The following LTN1 variants were observed in gnomAD, a reference collection of about 807,000 sequenced individuals.
The protein encoded by LTN1 is E3 ubiquitin-protein ligase listerin.
In LTN1, 88 loss-of-function variants were observed where a neutral mutation model predicts 201.2. The observed-to-expected ratio is 0.44, with a 90% CI of 0.37 to 0.52. The LOEUF is 0.52. Among genes scored for constraint, LTN1 ranks in the 20% least tolerant of loss-of-function variants. The pLI is 0.00. For missense variants in LTN1, 1,752 were observed against 2,038.7 expected, an observed-to-expected ratio of 0.86 and a Z score of 2.71; for synonymous variants, 645 against 713.5, an observed-to-expected ratio of 0.90 and a Z score of 1.53.
chr21:28,982,404 A>C lies in LTN1; in HGVS notation c.577-36T>G, dbSNP rs565821158. ...GGGAAATACCAAAGCCTTTGGTTTT[A>C]CTGAACTGTCAATGGTGAACAGACA... On this transcript the variant is annotated intron_variant, in intron 4 of 29. Transcript: ENST00000361371. 3.3e-6 allele frequency: 5 copies of C among 1,526,910 alleles called. No individual in the cohort carries two copies. In the South Asian group the frequency reaches 5.6e-5, roughly 17 times the overall value. 94.6% of individuals were successfully genotyped at this position (1,526,910 alleles called of 1,614,324 possible). A position where few individuals can be genotyped will look rare whatever the true frequency, so the allele number is the denominator to read the frequency against.
chr21:28,991,478 TAA>T (rs1257002715), intron 1 of LTN1, among the ~76,000 whole-genome samples: 1 of 152,150 alleles, frequency 6.6e-6, no homozygotes, highest in Non-Finnish European at 1.5e-5. Context: ...ATTTAGGAGT[TAA>T]GAGTCCCGAC....
Position 28,936,635 on chromosome 21 carries a change from G to A in LTN1, c.4545C>T (p.His1515=). The A allele has an allele frequency of 6.2e-7, 1 of 1,613,816 alleles. No homozygotes were observed. Among genetic ancestry groups the A allele is most frequent in the Non-Finnish European group, 8.5e-7 (1 of 1,179,798 alleles). The change falls in exon 26 of 30, where the codon CAC becomes CAT. Residue 1515 remains histidine (H), a synonymous_variant. Transcript: ENST00000361371. ...GATTTTCTGGCATAAGCCTGAACAG[G>A]TGATAGAGCAATTTATTCAAACTCT... ...KTKSLNKLLY[H]LFRLMPENPT...
chr21:28,960,946 C>A (rs912030081), intron 11 of LTN1: 50 of 334,778 alleles, frequency 1.5e-4, no homozygotes, highest in African/African-American at 8.8e-4. Context: ...CCCACCCCCC[C>A]CTTTTTTTTT....
chr21:28,987,085 C>T, intron 1 of LTN1, 151 bp from the exon 2 acceptor site: 1 of 599,538 alleles, frequency 1.7e-6, no homozygotes, highest in South Asian at 2.2e-5. Context: ...CAAAGTTCCC[C>T]AAAGATTAAT....
At chr21:28,981,764 T>C (rs1201218553) in intron 5 of LTN1, among the ~76,000 whole-genome samples, 1 of 152,208 alleles carries the variant, frequency 6.6e-6, no homozygotes, top group Non-Finnish European at 1.5e-5. Context: ...GAAGGAAACA[T>C]ATAAAAACAT....
At chr21:28,971,733 C>T (rs192315033) in intron 6 of LTN1, among the ~76,000 whole-genome samples, 1 of 151,998 alleles carries the variant, frequency 6.6e-6, no homozygotes, top group East Asian at 1.9e-4. Context: ...TCCATTATAG[C>T]CAAACAAACA....
At chr21:28,974,163 A>G (rs2705654) in intron 6 of LTN1, among the ~76,000 whole-genome samples, 22,430 of 152,160 alleles carry the variant, frequency 0.15, 1,975 homozygotes, top group African/African-American at 0.25. Context: ...GCACAACCAT[A>G]AAAGAAAAAT....
At chr21:28,949,019 T>G (rs2832144) in intron 18 of LTN1, among the ~76,000 whole-genome samples, 42,073 of 152,172 alleles carry the variant, frequency 0.28, 6,127 homozygotes, top group South Asian at 0.33. Context: ...GTGTGACTGT[T>G]TAGCTGCACA....
chr21:28,947,565 CTT>C lies in LTN1; in HGVS notation c.3384_3385del (p.Leu1130MetfsTer13). On this transcript the variant is annotated frameshift_variant, in exon 19 of 30. Coordinates refer to ENST00000361371, the MANE Select transcript of LTN1 (RefSeq NM_015565.3). LOFTEE classifies it high-confidence loss of function. ...TTCTTTTGACAAAAATGGACATAGA[CTT>C]TGAATGGTATGCAAATTGCCTTCAG... 1 of 1,585,592 alleles carries C rather than the reference CTT, an allele frequency of 6.3e-7. No individual in the cohort carries two copies. The highest frequency in any genetic ancestry group is 8.5e-7 in the Non-Finnish European group (1 of 1,171,206).
intron 8 of LTN1, among the ~76,000 whole-genome samples, chr21:28,969,981 A>T (rs1465572133): frequency 6.6e-6 from 1 of 152,104 alleles, no homozygotes; most frequent in Non-Finnish European, 1.5e-5. Context: ...CCTAGCCGAG[A>T]TATTAATTTT....
intron 6 of LTN1, 27 bp downstream of exon 6, chr21:28,981,092 G>A (rs759274742): frequency 5.8e-6 from 8 of 1,378,612 alleles, no homozygotes. Context: ...TCAGAGAAAT[G>A]TCTTAAGATA....
intron 11 of LTN1, among the ~76,000 whole-genome samples, chr21:28,963,572 G>T (rs2084497269): frequency 6.6e-6 from 1 of 152,214 alleles, no homozygotes; most frequent in African/African-American, 2.4e-5. Flanking sequence ...GACCTCTGAT[G>T]GAGATGTACA....
At chr21:28,948,425 A>G (rs1325629252) in intron 18 of LTN1, among the ~76,000 whole-genome samples, 2 of 150,590 alleles carry the variant, frequency 1.3e-5, no homozygotes, top group Admixed American at 6.6e-5. Flanking sequence ...ATGCACCACC[A>G]TGTCTGGCTA....
At position 28,928,487 on chromosome 21, in the gene LTN1, A is replaced by G. The variant is rs2084186199; in HGVS notation, c.*1961T>C. The G allele has an allele frequency of 6.6e-6, 1 of 152,172 alleles. No individual in the cohort carries two copies. Among genetic ancestry groups the G allele is most frequent in the African/African-American group, 2.4e-5 (1 of 41,438 alleles). 9.4% of individuals were successfully genotyped at this position (152,172 alleles called of 1,614,324 possible). On this transcript the variant is annotated 3_prime_UTR_variant, in exon 30 of 30. Transcript: ENST00000361371. ...TTTTGCTAATCTCATGCAATTTTAAAATGTCCTTAAGCTAAAATTTTAAGG... is the reference window on the plus strand; with the variant it reads ...TTTTGCTAATCTCATGCAATTTTAAGATGTCCTTAAGCTAAAATTTTAAGG...
intron 4 of LTN1, among the ~76,000 whole-genome samples, chr21:28,984,218 T>C (rs913785510): frequency 6.6e-6 from 1 of 152,062 alleles, no homozygotes; most frequent in African/African-American, 2.4e-5. Flanking sequence ...GCATTTGTTA[T>C]GATAAAAATT....
intron 11 of LTN1, among the ~76,000 whole-genome samples, chr21:28,963,926 C>A (rs1281720300): frequency 6.6e-6 from 1 of 152,050 alleles, no homozygotes; most frequent in African/African-American, 2.4e-5. Context: ...AGGAAAGAGG[C>A]AAAGAACTAG....
chr21:28,986,692 G>T lies in LTN1; in HGVS notation c.246+39C>A. On this transcript the variant is annotated intron_variant, in intron 2 of 29. Transcript: ENST00000361371. This position sits in a 1 kb window ranked among gnomAD's most constrained non-coding sequence, Gnocchi z 4.1. ...TAATGACATTTTATTTTAACAAAGG[G>T]ATTTTCTTGATAATTTTTATGAAAA... 3 of 1,443,408 alleles carry T rather than the reference G, an allele frequency of 2.1e-6. No individual in the cohort carries two copies. The highest frequency in any genetic ancestry group is 2.9e-6 in the Non-Finnish European group (3 of 1,031,684). The allele number at this position is 1,443,408 out of a possible 1,614,324, so 89.4% of individuals were successfully genotyped here.
intron 6 of LTN1, among the ~76,000 whole-genome samples, chr21:28,976,109 C>T (rs1028541466): frequency 6.9e-6 from 1 of 144,648 alleles, no homozygotes; most frequent in African/African-American, 2.5e-5. Flanking sequence ...AAAAGGAATG[C>T]ATTTTGGGTA....
intron 25 of LTN1, among the ~76,000 whole-genome samples, chr21:28,937,068 C>T (rs898512781): frequency 1.3e-5 from 2 of 152,196 alleles, no homozygotes; most frequent in Non-Finnish European, 2.9e-5. Context: ...CATCCCTTTA[C>T]GACAGAGAGC....
Sources: allele counts gnomAD v4.1 joint callset (sites outside exome capture counted in the v4.1 genomes callset), GRCh38; gene constraint gnomAD v4.1.1; non-coding constraint Gnocchi (gnomAD v3.1); transcripts MANE v1.5; gene names NCBI Gene and HGNC (gene_info 2026-07-23, HGNC 2026-07-21).